Variants in PDLIM7 observed in about 807,000 individuals in gnomAD.
PDLIM7 encodes PDZ and LIM domain protein 7.
In PDLIM7, 37 loss-of-function variants were observed where a neutral mutation model predicts 53.9. That is an observed-to-expected ratio of 0.69 (90% CI 0.53 to 0.90). The LOEUF (loss-of-function observed/expected upper bound fraction) is 0.90, where lower values mean the gene tolerates loss of function less well. Ranked by LOEUF, PDLIM7 falls within the 40% of genes least tolerant of loss-of-function variation. The pLI is 0.00. For missense variants in PDLIM7, 617 were observed against 638.5 expected (o/e 0.97, Z 0.36); for synonymous variants, 300 against 261.3 (o/e 1.15, Z -1.43).
chr5:177,492,398 C>T lies in PDLIM7; in HGVS notation c.279+7G>A, dbSNP rs778228031. 3.1e-5 allele frequency: 50 copies of T among 1,613,118 alleles called. No homozygotes were observed. The Admixed American group carries it at 6.8e-4, about 22-fold the overall frequency. ...CCACCGCCCGGATGTCCCGGCCAGC[C>T]TCGTACCTTCTGCGGTTTGCTCTGA... On this transcript the variant is annotated splice_region_variant and intron_variant, in intron 4 of 12. Coordinates refer to ENST00000355841, the MANE Select transcript of PDLIM7 (RefSeq NM_005451.5).
chr5:177,491,763 GTGGGCCTGAT>G (rs1296210980), intron 5 of PDLIM7, 34 bp downstream of exon 5: 12 of 961,518 alleles, frequency 1.2e-5, no homozygotes, highest in Non-Finnish European at 1.7e-5. Context: ...TGGGGCCACA[GTGGGCCTGAT>G]GGCGTGGGCG....
chr5:177,488,289 G>C (rs367885345), intron 9 of PDLIM7, 41 bp from the exon 10 acceptor site: 7 of 1,534,758 alleles, frequency 4.6e-6, no homozygotes, highest in Non-Finnish European at 5.3e-6. Flanking sequence ...CACACGCAGA[G>C]AGGTGGGGGT....
intron 10 of PDLIM7, among the ~76,000 whole-genome samples, chr5:177,487,660 T>C (rs919746551): frequency 6.6e-6 from 1 of 152,244 alleles, no homozygotes; most frequent in Non-Finnish European, 1.5e-5. Flanking sequence ...ACCTCACTAA[T>C]ATGAACATCA....
intron 10 of PDLIM7, among the ~76,000 whole-genome samples, chr5:177,486,093 T>A (rs1022961543): frequency 3.2e-4 from 49 of 152,122 alleles, no homozygotes; most frequent in African/African-American, 1.1e-3. Context: ...TAATTTTTTT[T>A]TTTTTGTAGA....
At position 177,491,044 on chromosome 5, in the gene PDLIM7, G is replaced by T. The variant is rs753367654; in HGVS notation, c.501C>A (p.Phe167Leu). Residue 167 changes from phenylalanine (F) to leucine (L), a missense_variant, in exon 6 of 13, where the codon TTC (phenylalanine) becomes TTA (leucine). By Grantham distance (22) the Phe-to-Leu change is conservative. Coordinates refer to ENST00000355841, the MANE Select transcript of PDLIM7 (RefSeq NM_005451.5). ...PRPGTGQSRS[F>L]RILAHLTGTE... ...TGCCTGTGAGGTGGGCAAGGATGCG[G>T]AAGGAACGCGACTGGCCTGTCCCCG... is the stretch of plus-strand genomic sequence containing the variant. 6.2e-7 allele frequency: 1 copy of T among 1,612,632 alleles called. No homozygotes were observed. Among genetic ancestry groups the T allele is most frequent in the South Asian group, 1.1e-5 (1 of 90,884 alleles).
At chr5:177,486,691 T>G (rs537781371) in intron 10 of PDLIM7, among the ~76,000 whole-genome samples, 3 of 152,056 alleles carry the variant, frequency 2.0e-5, no homozygotes, top group South Asian at 2.1e-4. Context: ...CAGGCTGGAG[T>G]GCAGTGGCGC....
In PDLIM7 at chr5:177,486,696, T is replaced by G. The variant is rs374768227; in HGVS notation, c.1050+1372A>C. On this transcript the variant is annotated intron_variant, in intron 10 of 12. Transcript: ENST00000355841. ...CTCTGTCGCCCAGGCTGGAGTGCAG[T>G]GGCGCGATCTCGGCTCACTGCAAGC... 7.2e-5 allele frequency among the ~76,000 whole-genome samples: 11 copies of G among 152,280 alleles called. No individual in the cohort carries two copies. In the East Asian group the frequency reaches 9.7e-4, roughly 13 times the overall value.
chr5:177,484,233 T>C (rs1758324239), intron 10 of PDLIM7, 43 bp from the exon 11 acceptor site: 11 of 1,604,726 alleles, frequency 6.9e-6, no homozygotes, highest in African/African-American at 2.7e-5. Context: ...AGGCCCCTCC[T>C]GCCCTGCCCT....
chr5:177,489,876 G>T, intron 7 of PDLIM7, 44 bp from the exon 8 acceptor site: 1 of 1,554,174 alleles, frequency 6.4e-7, no homozygotes, highest in South Asian at 1.2e-5. Context: ...TGAGCTTCCT[G>T]ACATGGCCCC....
chr5:177,491,163 G>A lies in PDLIM7; in HGVS notation c.399-17C>T, dbSNP rs1232099462. ...AGCGGCTGTCTGTGGGGAGGGTGTGGCTCAGAACCCCACACTGGGGGTGGG... is the reference window on the plus strand; with the variant it reads ...AGCGGCTGTCTGTGGGGAGGGTGTGACTCAGAACCCCACACTGGGGGTGGG... On this transcript the variant is annotated splice_polypyrimidine_tract_variant and intron_variant, in intron 5 of 12. Coordinates refer to ENST00000355841, the MANE Select transcript of PDLIM7 (RefSeq NM_005451.5). The A allele has an allele frequency of 6.3e-7, 1 of 1,588,502 alleles. No homozygotes were observed. The highest frequency in any genetic ancestry group is 1.7e-5 in the Admixed American group (1 of 57,950).
At chr5:177,484,715 C>T (rs1448718315) in intron 10 of PDLIM7, 1 of 166,478 alleles carries the variant, frequency 6.0e-6, no homozygotes, top group Non-Finnish European at 1.3e-5. Flanking sequence ...TCTCCCCCTG[C>T]ATGAAACTGT....
At chr5:177,497,397 C>CGGAGGCA (rs1759148424) in intron 1 of PDLIM7, 131 bp downstream of exon 1, 2 of 152,148 alleles carry the variant, frequency 1.3e-5, no homozygotes, top group South Asian at 4.1e-4. Flanking sequence ...GGGGCGGGGG[C>CGGAGGCA]GGAGGCAGGG....
At chr5:177,488,326 A>G in intron 9 of PDLIM7, 78 bp from the exon 10 acceptor site, 3 of 1,261,506 alleles carry the variant, frequency 2.4e-6, no homozygotes, top group Non-Finnish European at 3.3e-6. Flanking sequence ...TTGACTGACC[A>G]CCCACCAGGA....
Position 177,490,235 on chromosome 5 carries a change from G to A in PDLIM7, c.573-403C>T, listed in dbSNP as rs941759779. 7 of 1,448,882 alleles carry A rather than the reference G, an allele frequency of 4.8e-6. No individual in the cohort carries two copies. In the African/African-American group the frequency reaches 5.7e-5, roughly 12 times the overall value. 89.8% of individuals were successfully genotyped at this position (1,448,882 alleles called of 1,614,324 possible). On this transcript the variant is annotated intron_variant, in intron 7 of 12. Coordinates refer to ENST00000355841, the MANE Select transcript of PDLIM7 (RefSeq NM_005451.5). ...ACCAGGTCCACAAAGATAGAAGACAGGCAGAGCAAGCAGGGCTGAGAATGT... is the reference window on the plus strand; with the variant it reads ...ACCAGGTCCACAAAGATAGAAGACAAGCAGAGCAAGCAGGGCTGAGAATGT...
intron 7 of PDLIM7, chr5:177,490,260 T>C (rs1758680271): frequency 2.8e-6 from 4 of 1,445,776 alleles, no homozygotes; most frequent in Non-Finnish European, 1.8e-6. Flanking sequence ...GCTGAGAATG[T>C]TTATTCCATG....
rs1458129868 is a variant in PDLIM7, at chr5:177,489,621, G to A, written c.641C>T (p.Thr214Ile). 6 of 1,593,108 alleles carry A rather than the reference G, an allele frequency of 3.8e-6. 1 individual carries two copies. The highest frequency in any genetic ancestry group is 1.7e-5 in the Admixed American group (1 of 58,108). The change falls in exon 9 of 13, where the codon ACC (threonine) becomes ATC (isoleucine). Residue 214 changes from threonine to isoleucine, a missense_variant. Transcript: ENST00000355841. ...CGGGCGGCTGGTAGGGCTGGGGGCG[G>A]TAGGGCCTGCCGGGGAAAGTGACTC... is the stretch of plus-strand genomic sequence containing the variant. Reference protein sequence around the residue: ...STPQEPWPGPTAPSPTSRPPW... With the variant: ...STPQEPWPGPIAPSPTSRPPW...
At chr5:177,490,619 A>T in intron 7 of PDLIM7, 1 of 1,399,284 alleles carries the variant, frequency 7.1e-7, no homozygotes, top group Non-Finnish European at 9.7e-7. Flanking sequence ...AGAGGGAGGA[A>T]GAAGTGGAAG....
rs764128814 is a variant in PDLIM7 at position 177,488,207 on chromosome 5, T to C, written c.911A>G (p.Glu304Gly). 1 of 1,612,354 alleles carries C rather than the reference T, an allele frequency of 6.2e-7. No individual in the cohort carries two copies. Among genetic ancestry groups the C allele is most frequent in the South Asian group, 1.1e-5 (1 of 91,050 alleles). ...CCCACACTGGCTACACACAAACTCC[T>C]CCGGGTGGTACGCGTGGCCCAGCGC... ...LVALGHAYHPEEFVCSQCGKV... is the reference protein window; with the variant it reads ...LVALGHAYHPGEFVCSQCGKV... The change falls in exon 10 of 13, where the codon GAG (glutamate) becomes GGG (glycine). Residue 304 changes from glutamate (E) to glycine (G), a missense_variant. Coordinates refer to ENST00000355841, the MANE Select transcript of PDLIM7 (RefSeq NM_005451.5).
chr5:177,483,836 T>C, intron 12 of PDLIM7, 31 bp downstream of exon 12: 2 of 1,603,798 alleles, frequency 1.2e-6, no homozygotes, highest in Non-Finnish European at 1.7e-6. Flanking sequence ...CCGGTGGGCT[T>C]GGGGCTCAGT....
Sources: allele counts gnomAD v4.1 joint callset (sites outside exome capture counted in the v4.1 genomes callset), GRCh38; gene constraint gnomAD v4.1.1; transcripts MANE v1.5; gene names NCBI Gene and HGNC (gene_info 2026-07-23, HGNC 2026-07-21).